TMCC1: variants seen among roughly 807,000 people sequenced by gnomAD.
TMCC1 encodes the protein transmembrane and coiled-coil domains protein 1.
Under a neutral mutation model 52.4 loss-of-function variants are expected in TMCC1, and 15 were observed. That is an observed-to-expected ratio of 0.29 (90% CI 0.19 to 0.44). TMCC1 has a LOEUF of 0.44. Ranked by LOEUF, TMCC1 falls within the 20% of genes least tolerant of loss-of-function variation. The pLI is 1.00. For synonymous variants in TMCC1, 279 were observed against 301.9 expected, an observed-to-expected ratio of 0.92 and a Z score of 0.79; for missense variants, 503 against 806.0, an observed-to-expected ratio of 0.62 and a Z score of 4.55.
chr3:129,854,012 C>G lies in TMCC1; in HGVS notation c.-183-21186G>C, dbSNP rs1431495222. On this transcript the variant is annotated intron_variant, in intron 2 of 6. Coordinates refer to ENST00000393238, the MANE Select transcript of TMCC1 (RefSeq NM_001017395.5). ...GTCTAAATGAGCCACCATTACCTAT[C>G]ACATGGACAACTAAATTCCTAACCA... Among the ~76,000 whole-genome samples the G allele has an allele frequency of 2.0e-5, 3 of 152,168 alleles. No individual in the cohort carries two copies. The East Asian group carries it at 5.8e-4, about 29-fold the overall frequency.
rs563370963 is a variant in TMCC1 at position 129,716,501 on chromosome 3, ATTT to A, written c.577-45240_577-45238del. ...AGGTGCCTGCCACCACACCCAGCTAATTTTTTTTTTTTTTTTTTTGTACTTTTA... is the reference window on the plus strand; with the variant it reads ...AGGTGCCTGCCACCACACCCAGCTAATTTTTTTTTTTTTTTTGTACTTTTA... On this transcript the variant is annotated intron_variant, in intron 4 of 6. Transcript: ENST00000393238. 2.4e-3 allele frequency among the ~76,000 whole-genome samples: 300 copies of A among 124,844 alleles called. 1 individual carries two copies. The highest frequency in any genetic ancestry group is 8.1e-3 in the African/African-American group (263 of 32,370). The allele number at this position is 124,844 out of a possible 152,430, so 81.9% of individuals were successfully genotyped here.
At chr3:129,848,784 T>G (rs1465771257) in intron 2 of TMCC1, among the ~76,000 whole-genome samples, 1 of 152,184 alleles carries the variant, frequency 6.6e-6, no homozygotes, top group Non-Finnish European at 1.5e-5. Flanking sequence ...TCCCATATTC[T>G]CATGAAGGAC....
chr3:129,696,644 A>G (rs1443020762), intron 4 of TMCC1, among the ~76,000 whole-genome samples: 1 of 152,244 alleles, frequency 6.6e-6, no homozygotes, highest in African/African-American at 2.4e-5. Context: ...GTCTCATGTG[A>G]GACAAGGCAA....
chr3:129,869,939 A>G (rs543922493), intron 2 of TMCC1, among the ~76,000 whole-genome samples: 1 of 152,354 alleles, frequency 6.6e-6, no homozygotes. Context: ...TAAATGTCCC[A>G]CTATACACAG....
At chr3:129,706,683 C>T (rs1321317088) in intron 4 of TMCC1, among the ~76,000 whole-genome samples, 1 of 152,112 alleles carries the variant, frequency 6.6e-6, no homozygotes, top group Non-Finnish European at 1.5e-5. Flanking sequence ...AAATTAGGAC[C>T]AAGAGCCACA....
intron 2 of TMCC1, among the ~76,000 whole-genome samples, chr3:129,879,258 T>C (rs775622349): frequency 2.0e-5 from 3 of 151,978 alleles, no homozygotes; most frequent in South Asian, 2.1e-4. Flanking sequence ...ATGGGCAACA[T>C]AGCGAGACCC....
chr3:129,767,979 C>T (rs965675676), intron 4 of TMCC1, among the ~76,000 whole-genome samples: 1 of 152,136 alleles, frequency 6.6e-6, no homozygotes, highest in East Asian at 1.9e-4. Context: ...TCACCTGAGC[C>T]CAGGAGTTTG....
rs5021445 is a variant in TMCC1 at position 129,651,913 on chromosome 3, C to T, written c.1648-118G>A. On this transcript the variant is annotated intron_variant, in intron 6 of 6. Transcript: ENST00000393238. The surrounding 1 kb of genome is among the most constrained non-coding windows in gnomAD (Gnocchi z 5.1). ...CAATGCCAATGATTTTATAAATATGCTGGAGCCTTGAATGAATGTAAAAGG... is the reference window on the plus strand; with the variant it reads ...CAATGCCAATGATTTTATAAATATGTTGGAGCCTTGAATGAATGTAAAAGG... The T allele has an allele frequency of 8.9e-7, 1 of 1,118,920 alleles. No homozygotes were observed. The highest frequency in any genetic ancestry group is 1.6e-5 in the African/African-American group (1 of 63,488). The allele number at this position is 1,118,920 out of a possible 1,614,324, so 69.3% of individuals were successfully genotyped here.
intron 4 of TMCC1, among the ~76,000 whole-genome samples, chr3:129,787,479 A>G (rs2056122148): frequency 6.6e-6 from 1 of 152,162 alleles, no homozygotes; most frequent in Non-Finnish European, 1.5e-5. Context: ...CATATTTTTC[A>G]GTAGGATTTT....
intron 4 of TMCC1, among the ~76,000 whole-genome samples, chr3:129,695,580 T>A (rs557914217): frequency 9.9e-4 from 150 of 152,198 alleles, no homozygotes; most frequent in African/African-American, 3.4e-3. Flanking sequence ...AAGCCCCTTT[T>A]AAAACTATCA....
At chr3:129,708,039 T>A (rs901287108) in intron 4 of TMCC1, among the ~76,000 whole-genome samples, 2 of 152,210 alleles carry the variant, frequency 1.3e-5, no homozygotes, top group Non-Finnish European at 2.9e-5. Context: ...TAATTAAAAT[T>A]ACTAGTAATT....
intron 4 of TMCC1, among the ~76,000 whole-genome samples, chr3:129,722,696 T>G (rs62265565): frequency 0.04 from 6,111 of 152,262 alleles, 188 homozygotes; most frequent in Non-Finnish European, 0.063. Flanking sequence ...GGCTCTCCTA[T>G]GAATCCTTTC....
At chr3:129,773,301 C>T (rs2054761023) in intron 4 of TMCC1, among the ~76,000 whole-genome samples, 1 of 152,074 alleles carries the variant, frequency 6.6e-6, no homozygotes. Context: ...AAAATTCTTG[C>T]ACATGTGTGG....
At chr3:129,889,570 G>C (rs901607805) in intron 1 of TMCC1, among the ~76,000 whole-genome samples, 2 of 152,176 alleles carry the variant, frequency 1.3e-5, no homozygotes, top group African/African-American at 4.8e-5. Context: ...AGGATAGGCA[G>C]GAACTCTGCA....
At chr3:129,869,146 T>C (rs1022043180) in intron 2 of TMCC1, 5 of 152,070 alleles carry the variant, frequency 3.3e-5, no homozygotes, top group African/African-American at 1.2e-4. Flanking sequence ...GATTAGAGTA[T>C]TGGAACTTTT....
At chr3:129,831,464 T>C (rs2058908978) in intron 3 of TMCC1, among the ~76,000 whole-genome samples, 1 of 152,154 alleles carries the variant, frequency 6.6e-6, no homozygotes, top group African/African-American at 2.4e-5. Flanking sequence ...GAAACCTAAA[T>C]TGAGCTTTAA....
intron 4 of TMCC1, chr3:129,794,231 G>C: frequency 4.5e-6 from 2 of 445,164 alleles, no homozygotes; most frequent in Non-Finnish European, 9.0e-6. Flanking sequence ...GCTGGAGGAC[G>C]GCAGGCTTGA....
At chr3:129,655,202 A>G in intron 5 of TMCC1, 99 bp from the exon 6 acceptor site, 1 of 1,407,110 alleles carries the variant, frequency 7.1e-7, no homozygotes, top group Non-Finnish European at 9.6e-7. Context: ...ACAAAGGAAT[A>G]GAAGCACAAA....
At chr3:129,682,722 T>C (rs1050554551) in intron 4 of TMCC1, among the ~76,000 whole-genome samples, 11 of 152,358 alleles carry the variant, frequency 7.2e-5, no homozygotes, top group African/African-American at 2.6e-4. Flanking sequence ...AAGCATTCAA[T>C]GTCCTCGCCT....
Sources: gnomAD v4.1 joint callset for allele counts (sites outside exome capture counted in the v4.1 genomes callset) on GRCh38, gnomAD v4.1.1 for gene constraint, Gnocchi (gnomAD v3.1) non-coding constraint, MANE v1.5 for transcripts, NCBI Gene and HGNC (gene_info 2026-07-23, HGNC 2026-07-21) for gene names.